Variants in PRR5L observed in about 807,000 individuals in gnomAD.
PRR5L encodes the protein proline rich 5 like.
In PRR5L, 21 loss-of-function variants were observed where a neutral mutation model predicts 36.4. That is an observed-to-expected ratio of 0.58 (90% CI 0.41 to 0.83). The LOEUF (loss-of-function observed/expected upper bound fraction) is 0.83, where lower values mean the gene tolerates loss of function less well. Ranked by LOEUF, PRR5L falls within the 40% of genes least tolerant of loss-of-function variation. The probability of loss-of-function intolerance (pLI) is 0.00; values close to 1 mark genes in which losing one functional copy is unlikely to be tolerated. For missense variants in PRR5L, 381 were observed against 473.3 expected (o/e 0.80, Z 1.81); for synonymous variants, 188 against 197.0 (o/e 0.95, Z 0.38).
chr11:36,390,775 C>A (rs562185246), intron 1 of PRR5L, among the ~76,000 whole-genome samples: 2 of 152,158 alleles, frequency 1.3e-5, no homozygotes, highest in East Asian at 1.9e-4. Context: ...AAAGTCAAGA[C>A]CCTCTAAGTT....
At chr11:36,355,338 C>T (rs1421551149) in intron 1 of PRR5L, among the ~76,000 whole-genome samples, 6 of 152,184 alleles carry the variant, frequency 3.9e-5, no homozygotes. Flanking sequence ...TCAACAACAA[C>T]TCACATTTAC....
intron 4 of PRR5L, among the ~76,000 whole-genome samples, chr11:36,427,477 T>C (rs756066265): frequency 6.6e-6 from 1 of 152,106 alleles, no homozygotes; most frequent in Admixed American, 6.5e-5. Context: ...TACAGCTCCA[T>C]CACTACAGCT....
chr11:36,303,084 T>G (rs1222629726), intron 1 of PRR5L, among the ~76,000 whole-genome samples: 1 of 152,150 alleles, frequency 6.6e-6, no homozygotes, highest in Non-Finnish European at 1.5e-5. Context: ...CCTCTTGAGT[T>G]TAGTCTCTCT....
chr11:36,440,794 C>G (rs76251849), intron 6 of PRR5L, among the ~76,000 whole-genome samples: 10,121 of 152,240 alleles, frequency 0.066, 361 homozygotes, highest in African/African-American at 0.074. Context: ...CCACAGCAAG[C>G]CTTCACTCAT....
intron 2 of PRR5L, among the ~76,000 whole-genome samples, chr11:36,402,992 A>G (rs1484840071): frequency 6.6e-6 from 1 of 152,258 alleles, no homozygotes; most frequent in Admixed American, 6.5e-5. Context: ...TCCCAGGTCC[A>G]TGCAGTTTCC....
chr11:36,393,536 G>T (rs937931637), intron 1 of PRR5L, among the ~76,000 whole-genome samples: 1 of 152,126 alleles, frequency 6.6e-6, no homozygotes, highest in Non-Finnish European at 1.5e-5. Context: ...ACTAATCTGT[G>T]TGTCTGTTTT....
At chr11:36,334,375 T>G (rs1324715934) in intron 1 of PRR5L, among the ~76,000 whole-genome samples, 1 of 152,216 alleles carries the variant, frequency 6.6e-6, no homozygotes, top group Non-Finnish European at 1.5e-5. Flanking sequence ...TTTCCACTGG[T>G]CTCAGAATAT....
At chr11:36,356,666 A>T (rs185731903) in intron 1 of PRR5L, among the ~76,000 whole-genome samples, 5 of 152,250 alleles carry the variant, frequency 3.3e-5, no homozygotes, top group Admixed American at 1.3e-4. Context: ...GTGATCTATC[A>T]TCAGTGATCT....
At chr11:36,334,227 A>T (rs1174758698) in intron 1 of PRR5L, among the ~76,000 whole-genome samples, 1 of 152,194 alleles carries the variant, frequency 6.6e-6, no homozygotes, top group East Asian at 1.9e-4. Context: ...GTCCCGGGGA[A>T]ATTTCATGAC....
intron 2 of PRR5L, among the ~76,000 whole-genome samples, chr11:36,402,070 G>A (rs1857809424): frequency 1.3e-5 from 2 of 152,208 alleles, no homozygotes; most frequent in African/African-American, 2.4e-5. Flanking sequence ...GTTTTGTTAG[G>A]TGTCTAGCCA....
intron 7 of PRR5L, among the ~76,000 whole-genome samples, chr11:36,449,952 GA>G (rs1158265762): frequency 6.6e-6 from 1 of 152,072 alleles, no homozygotes; most frequent in Non-Finnish European, 1.5e-5. Flanking sequence ...AGGTTTGGGG[GA>G]GAAGCCACTC....
At chr11:36,305,762 C>A (rs1379364156) in intron 1 of PRR5L, among the ~76,000 whole-genome samples, 1 of 152,166 alleles carries the variant, frequency 6.6e-6, no homozygotes, top group East Asian at 1.9e-4. Flanking sequence ...TCAATAGACA[C>A]TGAATCTGCC....
chr11:36,367,740 T>TTCTCTC (rs55635913), intron 1 of PRR5L, among the ~76,000 whole-genome samples: 2 of 150,356 alleles, frequency 1.3e-5, no homozygotes, highest in African/African-American at 4.9e-5. Context: ...ACCAGAGAAC[T>TTCTCTC]TCTCTCTCTC....
intron 1 of PRR5L, among the ~76,000 whole-genome samples, chr11:36,345,338 G>A (rs1392210927): frequency 6.6e-6 from 1 of 152,116 alleles, no homozygotes; most frequent in Non-Finnish European, 1.5e-5. Flanking sequence ...TTAAACTCCT[G>A]ACAAGGGGCG....
At chr11:36,340,642 G>A (rs1856808836) in intron 1 of PRR5L, among the ~76,000 whole-genome samples, 1 of 152,124 alleles carries the variant, frequency 6.6e-6, no homozygotes, top group African/African-American at 2.4e-5. Flanking sequence ...TTGAAGCTCT[G>A]CACTGTTACC....
Position 36,401,107 on chromosome 11 carries a change from C to CTG in PRR5L, c.-13_-12dup. On this transcript the variant is annotated 5_prime_UTR_variant, in exon 2 of 9. Coordinates refer to ENST00000530639, the MANE Select transcript of PRR5L (RefSeq NM_001160167.2). ...TTCTGGTCCTAGAGGTGAAGCTGAA[C>CTG]TGTCACCAGGACTTATGACCCGCGG... 6.2e-7 allele frequency: 1 copy of CTG among 1,613,624 alleles called. No individual in the cohort carries two copies. Among genetic ancestry groups the CTG allele is most frequent in the Non-Finnish European group, 8.5e-7 (1 of 1,179,676 alleles).
In PRR5L at chr11:36,464,364, C is replaced by G. The variant is rs1859253321; in HGVS notation, c.*1628C>G. The G allele has an allele frequency of 6.6e-6, 1 of 152,162 alleles. No homozygotes were observed. Among genetic ancestry groups the G allele is most frequent in the Admixed American group, 6.5e-5 (1 of 15,280 alleles). 9.4% of individuals were successfully genotyped at this position (152,162 alleles called of 1,614,324 possible). The stretch of plus-strand genomic sequence containing the variant: ...CATTATGTAACTCTTGATGGCATTT[C>G]CCTTCTGAGTGAAGATTTGAAATAT... On this transcript the variant is annotated 3_prime_UTR_variant, in exon 9 of 9. Transcript: ENST00000530639.
At chr11:36,317,871 T>G (rs1856573842) in intron 1 of PRR5L, among the ~76,000 whole-genome samples, 1 of 152,200 alleles carries the variant, frequency 6.6e-6, no homozygotes, top group South Asian at 2.1e-4. Context: ...GTTTTCTTAT[T>G]GGTTTGTGAA....
intron 7 of PRR5L, among the ~76,000 whole-genome samples, chr11:36,450,696 A>G (rs1398337465): frequency 6.6e-6 from 1 of 152,234 alleles, no homozygotes; most frequent in East Asian, 1.9e-4. Flanking sequence ...TCAGAGCCAG[A>G]TAGCCTGGGT....
Sources: allele counts gnomAD v4.1 joint callset (sites outside exome capture counted in the v4.1 genomes callset), GRCh38; gene constraint gnomAD v4.1.1; transcripts MANE v1.5; gene names NCBI Gene and HGNC (gene_info 2026-07-23, HGNC 2026-07-21).